Variants in ZNF280C observed in about 807,000 individuals in gnomAD.
The protein encoded by ZNF280C is suppressor of hairy wing homolog 3.
In ZNF280C, 14 loss-of-function variants were observed where a neutral mutation model predicts 53.6. The ratio of observed to expected loss-of-function variants is 0.26; its 90% CI spans 0.17 to 0.41. ZNF280C has a LOEUF of 0.41. ZNF280C is among the 10% of genes least tolerant of loss of function. The pLI, the probability that ZNF280C is intolerant of heterozygous loss-of-function variation, is 1.00. For synonymous variants in ZNF280C, 203 were observed against 181.1 expected (o/e 1.12, Z -0.97); for missense variants, 416 against 547.1 (o/e 0.76, Z 2.39).
chrX:130,264,036 A>AAG (rs1569441796), intron 1 of ZNF280C, among the ~76,000 whole-genome samples: 1 of 106,246 alleles, frequency 9.4e-6, no homozygotes, highest in African/African-American at 3.4e-5. Context: ...AAAAAAAAAA[A>AAG]AAAAAGAAAA....
chrX:130,262,255 C>G (rs1387071253), intron 1 of ZNF280C, among the ~76,000 whole-genome samples: 1 of 111,335 alleles, frequency 9.0e-6, no homozygotes, highest in African/African-American at 3.3e-5. Flanking sequence ...GTGGCTACTT[C>G]AACTTAATTA....
At chrX:130,214,872 T>C (rs1186357298) in intron 15 of ZNF280C, among the ~76,000 whole-genome samples, 2 of 111,990 alleles carry the variant, frequency 1.8e-5, no homozygotes, top group African/African-American at 6.5e-5. Flanking sequence ...ATAAATATAT[T>C]GAAAACACTT....
intron 8 of ZNF280C, among the ~76,000 whole-genome samples, chrX:130,231,063 A>C (rs767001381): frequency 6.4e-4 from 71 of 111,474 alleles, no homozygotes; most frequent in Non-Finnish European, 1.1e-3. Flanking sequence ...AAAATCACCC[A>C]TTTCATATCT....
chrX:130,254,132 C>T (rs137956420), intron 2 of ZNF280C, among the ~76,000 whole-genome samples: 100 of 112,190 alleles, frequency 8.9e-4, no homozygotes, highest in African/African-American at 2.9e-3. Flanking sequence ...AGAAGACATA[C>T]ATGCAGGCAA....
chrX:130,204,535 G>T lies in ZNF280C; in HGVS notation c.*442C>A. The T allele has an allele frequency of 8.5e-6, 1 of 117,645 alleles. No homozygotes were observed. Among genetic ancestry groups the T allele is most frequent in the Non-Finnish European group, 1.8e-5 (1 of 55,852 alleles). The allele number at this position is 117,645 out of a possible 1,213,427, so 9.7% of individuals were successfully genotyped here. On this transcript the variant is annotated 3_prime_UTR_variant, in exon 19 of 19. Transcript: ENST00000370978. ...CCTGGATATTTTTTGAAACTTATGT[G>T]TTGCTTCTTCATTTGAAAAATATGA...
At position 130,215,981 on chromosome X, in the gene ZNF280C, T is replaced by C. The variant is rs1336160213; in HGVS notation, c.1648A>G (p.Arg550Gly). Residue 550 changes from arginine (R) to glycine (G), a missense_variant, in exon 14 of 19, where the codon AGA becomes GGA. Transcript: ENST00000370978. Reference protein sequence around the residue: ...TPPTSQNTTARNPRKSNASRS... With the variant: ...TPPTSQNTTAGNPRKSNASRS... ...CTGGCATTAGATTTTCTAGGATTTCTAGCAGTTGTATTTTGAGATGTCGGA... is the reference window on the plus strand; with the variant it reads ...CTGGCATTAGATTTTCTAGGATTTCCAGCAGTTGTATTTTGAGATGTCGGA... 1.7e-6 allele frequency: 2 copies of C among 1,211,567 alleles called. No homozygotes were observed. The highest frequency in any genetic ancestry group is 2.2e-6 in the Non-Finnish European group (2 of 895,323).
intron 15 of ZNF280C, among the ~76,000 whole-genome samples, chrX:130,211,278 GT>G (rs979018074): frequency 6.2e-5 from 7 of 112,427 alleles, no homozygotes; most frequent in African/African-American, 2.3e-4. Context: ...GTGACTGGCT[GT>G]GCTGATCAGA....
chrX:130,224,636 T>C (rs1446652339), intron 12 of ZNF280C, among the ~76,000 whole-genome samples: 2 of 111,752 alleles, frequency 1.8e-5, no homozygotes, highest in African/African-American at 6.5e-5. Context: ...TGGAGTCACA[T>C]AGGACACACT....
intron 13 of ZNF280C, 45 bp from the exon 14 acceptor site, chrX:130,216,146 G>A (rs938484327): frequency 1.4e-5 from 14 of 1,029,388 alleles, no homozygotes; most frequent in Admixed American, 8.5e-5. Context: ...AGTAACCATC[G>A]CATTAGTATT....
At chrX:130,215,625 G>A (rs1269573312) in intron 14 of ZNF280C, among the ~76,000 whole-genome samples, 166 bp downstream of exon 14, 1 of 112,099 alleles carries the variant, frequency 8.9e-6, no homozygotes, top group Non-Finnish European at 1.9e-5. Flanking sequence ...TAAACACAAT[G>A]ACTCAAGTTC....
chrX:130,263,600 TG>T (rs770810229), intron 1 of ZNF280C, among the ~76,000 whole-genome samples: 62 of 111,845 alleles, frequency 5.5e-4, no homozygotes, highest in African/African-American at 1.8e-3. Context: ...GGTTTCTTAC[TG>T]GGGTGATGAA....
intron 16 of ZNF280C, among the ~76,000 whole-genome samples, chrX:130,207,422 C>T (rs751759010): frequency 3.6e-5 from 4 of 111,605 alleles, no homozygotes; most frequent in East Asian, 5.6e-4. Flanking sequence ...TGCAGTGGCG[C>T]GATCTCGGCT....
At chrX:130,251,788 G>GAAA (rs56669311) in intron 2 of ZNF280C, among the ~76,000 whole-genome samples, 1 of 81,516 alleles carries the variant, frequency 1.2e-5, no homozygotes, top group African/African-American at 4.4e-5. Flanking sequence ...GACTTCGTCT[G>GAAA]AAAAAAAAAA....
chrX:130,217,913 G>C (rs778070339), intron 13 of ZNF280C, among the ~76,000 whole-genome samples: 1 of 112,241 alleles, frequency 8.9e-6, no homozygotes, highest in African/African-American at 3.2e-5. Flanking sequence ...GCTCATGCCT[G>C]TAACCCCAGC....
chrX:130,264,017 A>T (rs1195270023), intron 1 of ZNF280C, among the ~76,000 whole-genome samples: 1 of 91,119 alleles, frequency 1.1e-5, no homozygotes, highest in Non-Finnish European at 2.2e-5. Context: ...AGAGTGAGAC[A>T]CCATCTCAAA....
chrX:130,225,759 A>G (rs1454201021), intron 12 of ZNF280C, among the ~76,000 whole-genome samples: 1 of 111,505 alleles, frequency 9.0e-6, no homozygotes, highest in East Asian at 2.8e-4. Context: ...TTTTTTTCCA[A>G]TTAACAACTA....
chrX:130,249,467 G>A (rs968359407), intron 2 of ZNF280C, among the ~76,000 whole-genome samples: 9 of 112,094 alleles, frequency 8.0e-5, no homozygotes, highest in Non-Finnish European at 1.5e-4. Context: ...AGCACAGTGA[G>A]TTCCTAACCT....
In ZNF280C at chrX:130,216,000, T is replaced by C. The variant is rs2032098479; in HGVS notation, c.1629A>G (p.Thr543=). 2 of 1,209,469 alleles carry C rather than the reference T, an allele frequency of 1.7e-6. No homozygotes were observed. The highest frequency in any genetic ancestry group is 2.2e-6 in the Non-Finnish European group (2 of 894,869). Residue 543 remains threonine (T), a synonymous_variant, in exon 14 of 19, where the codon ACA becomes ACG. Coordinates refer to ENST00000370978, the MANE Select transcript of ZNF280C (RefSeq NM_017666.5). ...GATTTCTAGCAGTTGTATTTTGAGA[T>C]GTCGGAGGTGTGACCTGAAGAAAAG... ...GTSFLQVTPP[T]SQNTTARNPR... is the part of the protein sequence containing the mutation.
chrX:130,207,668 G>A (rs1236194159), intron 16 of ZNF280C, among the ~76,000 whole-genome samples: 1 of 111,612 alleles, frequency 9.0e-6, no homozygotes, highest in Non-Finnish European at 1.9e-5. Context: ...GGCCAACTTT[G>A]ATCTTAATAT....
Sources: allele counts gnomAD v4.1 joint callset (sites outside exome capture counted in the v4.1 genomes callset), GRCh38; gene constraint gnomAD v4.1.1; transcripts MANE v1.5; gene names NCBI Gene and HGNC (gene_info 2026-07-23, HGNC 2026-07-21).